Variants in FAM221A observed in about 807,000 individuals in gnomAD.
The protein encoded by FAM221A is protein FAM221A.
FAM221A carries 43 observed loss-of-function variants against 37.6 expected under a neutral mutation model. That is an observed-to-expected ratio of 1.15 (90% CI 0.90 to 1.48). FAM221A has a LOEUF of 1.48. Ranked by LOEUF, FAM221A falls within the 40% of genes most tolerant of loss-of-function variation. The probability of loss-of-function intolerance (pLI) is 0.00; values close to 1 mark genes in which losing one functional copy is unlikely to be tolerated. For synonymous variants in FAM221A, 135 were observed against 132.9 expected, an observed-to-expected ratio of 1.02 and a Z score of -0.11; for missense variants, 361 against 361.5, an observed-to-expected ratio of 1.00 and a Z score of 0.01.
At chr7:23,691,662 C>T in intron 4 of FAM221A, 66 bp downstream of exon 4, 3 of 1,310,696 alleles carry the variant, frequency 2.3e-6, no homozygotes, top group Non-Finnish European at 2.2e-6. Context: ...AATAGTGAAG[C>T]CTTATATTTG....
At chr7:23,690,220 G>GTTTTTTTT (rs1784661968) in intron 3 of FAM221A, among the ~76,000 whole-genome samples, 1 of 63,104 alleles carries the variant, frequency 1.6e-5, no homozygotes, top group Non-Finnish European at 3.4e-5. Context: ...TTTTAATAGA[G>GTTTTTTTT]TTTTGCTCTT....
chr7:23,692,636 C>T, intron 4 of FAM221A: 2 of 984,412 alleles, frequency 2.0e-6, no homozygotes, highest in Non-Finnish European at 1.2e-6. Flanking sequence ...GCCACCACGC[C>T]AGGCCCATAC....
intron 1 of FAM221A, among the ~76,000 whole-genome samples, chr7:23,683,411 C>G (rs1784180820): frequency 6.6e-6 from 1 of 152,148 alleles, no homozygotes; most frequent in African/African-American, 2.4e-5. Flanking sequence ...AGTTTAAACC[C>G]CTGGCCAGGG....
chr7:23,689,388 A>T lies in FAM221A; in HGVS notation c.359A>T (p.Gln120Leu), dbSNP rs748002654. The T allele has an allele frequency of 6.2e-7, 1 of 1,607,962 alleles. No homozygotes were observed. Among genetic ancestry groups the T allele is most frequent in the Non-Finnish European group, 8.5e-7 (1 of 1,175,382 alleles). The change falls in exon 3 of 7, where the codon CAG (glutamine) becomes CTG (leucine). Residue 120 changes from glutamine (Q) to leucine (L), a missense_variant. Gln to Leu is a moderately radical substitution (Grantham distance 113). Coordinates refer to ENST00000344962, the MANE Select transcript of FAM221A (RefSeq NM_199136.5). ...CTTTATGTCCCCTTGAATGGTAGCCAGCCCATTCGCTGCAGGTGCAAACAC... is the reference window on the plus strand; with the variant it reads ...CTTTATGTCCCCTTGAATGGTAGCCTGCCCATTCGCTGCAGGTGCAAACAC... ...AYLYVPLNGSQPIRCRCKHFA... is the reference protein window; with the variant it reads ...AYLYVPLNGSLPIRCRCKHFA...
At chr7:23,680,476 T>A (rs1022177567) in intron 1 of FAM221A, among the ~76,000 whole-genome samples, 193 bp downstream of exon 1, 1 of 152,158 alleles carries the variant, frequency 6.6e-6, no homozygotes, top group Non-Finnish European at 1.5e-5. Flanking sequence ...CGCGGTTCTA[T>A]GCAGTGATGA....
chr7:23,689,640 A>T lies in FAM221A; in HGVS notation c.430+181A>T, dbSNP rs948229014. The stretch of plus-strand genomic sequence containing the variant: ...GAATTCATTGGATAGATACTCTAAG[A>T]TTTCATTTTTGTGGAAGAACTCAGA... On this transcript the variant is annotated intron_variant, in intron 3 of 6. Transcript: ENST00000344962. Among the ~76,000 whole-genome samples the T allele has an allele frequency of 6.6e-5, 10 of 152,182 alleles. No individual in the cohort carries two copies. In the East Asian group the frequency reaches 1.9e-3, roughly 29 times the overall value.
At position 23,684,687 on chromosome 7, in the gene FAM221A, T is replaced by C; in HGVS notation, c.239+15T>C. 1.3e-6 allele frequency: 2 copies of C among 1,571,782 alleles called. No individual in the cohort carries two copies. The highest frequency in any genetic ancestry group is 1.7e-6 in the Non-Finnish European group (2 of 1,162,782). Reference sequence around the variant, plus strand: ...TGTACACATAGGTAAGATACTTTATTGCAAAGTTTTTTGATAATTAGAAAA... The same window carrying C: ...TGTACACATAGGTAAGATACTTTATCGCAAAGTTTTTTGATAATTAGAAAA... On this transcript the variant is annotated intron_variant, in intron 2 of 6. Transcript: ENST00000344962.
intron 1 of FAM221A, among the ~76,000 whole-genome samples, chr7:23,683,681 A>G (rs1204163696): frequency 6.6e-6 from 1 of 152,134 alleles, no homozygotes; most frequent in Non-Finnish European, 1.5e-5. Context: ...ACCCTCTTAT[A>G]TAGGAAGTGG....
chr7:23,695,477 A>C (rs12700460), intron 4 of FAM221A, among the ~76,000 whole-genome samples: 21,482 of 152,070 alleles, frequency 0.14, 1,659 homozygotes, highest in Middle Eastern at 0.2. Flanking sequence ...GGTTCAAGTG[A>C]TTCTCCTGCC....
chr7:23,694,620 GATT>G (rs1337071480), intron 4 of FAM221A: 1 of 152,166 alleles, frequency 6.6e-6, no homozygotes, highest in Non-Finnish European at 1.5e-5. Flanking sequence ...CTGTGAGTTA[GATT>G]ATTATTCCTA....
In FAM221A at chr7:23,698,252, A is replaced by G. The variant is rs373176357; in HGVS notation, c.698A>G (p.Lys233Arg). The G allele has an allele frequency of 3.8e-5, 60 of 1,595,418 alleles. No individual in the cohort carries two copies. The highest frequency in any genetic ancestry group is 5.1e-5 in the Non-Finnish European group (60 of 1,170,860). ...PITAVDSPFL[K>R]AFQASSSSSP... is the part of the protein sequence containing the mutation. Reference sequence around the variant, plus strand: ...ACGGCAGTAGACAGCCCATTCCTAAAAGCATTTCAAGCATCATCTAGTTCT... The same window carrying G: ...ACGGCAGTAGACAGCCCATTCCTAAGAGCATTTCAAGCATCATCTAGTTCT... Residue 233 changes from lysine (K) to arginine (R), a missense_variant, in exon 5 of 7, where the codon AAA (lysine) becomes AGA (arginine). Physicochemically the swap from Lys to Arg is conservative, Grantham distance 26. Coordinates refer to ENST00000344962, the MANE Select transcript of FAM221A (RefSeq NM_199136.5).
intron 2 of FAM221A, 164 bp from the exon 3 acceptor site, chr7:23,689,105 G>A (rs1784550150): frequency 2.2e-6 from 1 of 454,736 alleles, no homozygotes; most frequent in African/African-American, 1.9e-5. Flanking sequence ...AGCAACATAG[G>A]TGATACAAGT....
Position 23,691,406 on chromosome 7 carries a change from A to G in FAM221A, c.447A>G (p.Gly149=). Residue 149 remains glycine, a synonymous_variant, in exon 4 of 7, where the codon GGA becomes GGG. Coordinates refer to ENST00000344962, the MANE Select transcript of FAM221A (RefSeq NM_199136.5). ...TTGATTCAGGTTCCAAGTGTTCAGG[A>G]TTCCATAGCTGCTTCACTTGTGCTT... ...FTCNTCSKCS[G]FHSCFTCACG... The G allele has an allele frequency of 6.2e-7, 1 of 1,614,148 alleles. No homozygotes were observed. Among genetic ancestry groups the G allele is most frequent in the Non-Finnish European group, 8.5e-7 (1 of 1,180,000 alleles).
chr7:23,684,472 T>C (rs1481828792), intron 1 of FAM221A, 27 bp from the exon 2 acceptor site: 1 of 1,523,532 alleles, frequency 6.6e-7, no homozygotes, highest in South Asian at 1.2e-5. Context: ...ACTCAAAGCT[T>C]AAGAGAAATA....
chr7:23,685,875 T>A (rs1784338537), intron 2 of FAM221A, among the ~76,000 whole-genome samples: 1 of 152,210 alleles, frequency 6.6e-6, no homozygotes, highest in Non-Finnish European at 1.5e-5. Flanking sequence ...CAGAAAAGTC[T>A]CTGAACCTGT....
intron 1 of FAM221A, 22 bp downstream of exon 1, chr7:23,680,305 TG>T (rs1460026494): frequency 2.7e-6 from 4 of 1,507,250 alleles, no homozygotes; most frequent in Non-Finnish European, 3.6e-6. Context: ...GCTCCGGGCC[TG>T]CCCCCCCGCC....
chr7:23,689,969 A>G (rs983071390), intron 3 of FAM221A, among the ~76,000 whole-genome samples: 2 of 151,852 alleles, frequency 1.3e-5, no homozygotes, highest in African/African-American at 4.8e-5. Context: ...ACACTGGATC[A>G]TCCATTCAAC....
chr7:23,702,060 C>G, intron 6 of FAM221A, 36 bp from the exon 7 acceptor site: 1 of 1,421,284 alleles, frequency 7.0e-7, no homozygotes, highest in Non-Finnish European at 9.6e-7. Context: ...GAATGGTTTA[C>G]AAGTTATTAT....
At chr7:23,702,809 T>TA (rs1305529873), downstream of FAM221A, 1 of 152,240 alleles carries the variant, frequency 6.6e-6, no homozygotes, top group African/African-American at 2.4e-5. Flanking sequence ...CTTACTCCAT[T>TA]ACTGCTGTGG....
Sources: gnomAD v4.1 joint callset for allele counts (sites outside exome capture counted in the v4.1 genomes callset) on GRCh38, gnomAD v4.1.1 for gene constraint, MANE v1.5 for transcripts, NCBI Gene and HGNC (gene_info 2026-07-23, HGNC 2026-07-21) for gene names.